Variants in KLF12 observed in about 807,000 individuals in gnomAD.
KLF12 encodes KLF transcription factor 12, also known as Krueppel-like factor 12.
Under a neutral mutation model 37.8 loss-of-function variants are expected in KLF12, and 9 were observed. The ratio of observed to expected loss-of-function variants is 0.24; its 90% CI spans 0.14 to 0.42. The LOEUF (loss-of-function observed/expected upper bound fraction) is 0.42. Among genes scored for constraint, KLF12 ranks in the 10% least tolerant of loss-of-function variants. The pLI, the probability that KLF12 is intolerant of heterozygous loss-of-function variation, is 1.00. For synonymous variants in KLF12, 208 were observed against 202.1 expected (o/e 1.03, Z -0.25); for missense variants, 411 against 516.0 (o/e 0.80, Z 1.97).
intron 7 of KLF12, among the ~76,000 whole-genome samples, chr13:73,712,977 G>A (rs1026090479): frequency 2.6e-5 from 4 of 152,176 alleles, no homozygotes; most frequent in Non-Finnish European, 4.4e-5. Context: ...GGGATGTCGG[G>A]AACTGAACCC....
rs946295582 is a variant in KLF12 at position 73,695,649 on chromosome 13, G to A, written c.1050C>T (p.Thr350=). 1 of 1,613,886 alleles carries A rather than the reference G, an allele frequency of 6.2e-7. No individual in the cohort carries two copies. The highest frequency in any genetic ancestry group is 8.5e-7 in the Non-Finnish European group (1 of 1,179,932). ...CGAACTTCCAGGTGCAGCCTTCCCA[G>A]GTACACTTGTAAGGTTTCTCTCCTG... The change falls in exon 8 of 8, where the codon ACC becomes ACT. Residue 350 remains threonine, a synonymous_variant. Coordinates refer to ENST00000377669, the MANE Select transcript of KLF12 (RefSeq NM_007249.5).
intron 1 of KLF12, among the ~76,000 whole-genome samples, chr13:74,081,980 A>G (rs1013130081): frequency 1.3e-5 from 2 of 152,096 alleles, no homozygotes; most frequent in Admixed American, 1.3e-4. Flanking sequence ...TACCTAATTA[A>G]AAGTAATTTG....
chr13:74,256,481 C>T, the KLF12 span, among the ~76,000 whole-genome samples: 275 of 152,088 alleles, frequency 1.8e-3, 1 homozygote, highest in Non-Finnish European at 3.3e-3. Flanking sequence ...GGGACTGGTA[C>T]AGTAAAACAA....
chr13:74,214,731 G>A, the KLF12 span, among the ~76,000 whole-genome samples: 3 of 151,882 alleles, frequency 2.0e-5, no homozygotes, highest in Non-Finnish European at 4.4e-5. Context: ...GAGATGAGAT[G>A]TGCATTAAAA....
chr13:73,776,911 G>T (rs1394014982), intron 5 of KLF12, among the ~76,000 whole-genome samples: 2 of 152,028 alleles, frequency 1.3e-5, no homozygotes, highest in African/African-American at 4.8e-5. Flanking sequence ...TAATACTAAA[G>T]AAAAACTAAG....
the KLF12 span, among the ~76,000 whole-genome samples, chr13:74,212,748 G>A: frequency 1.3e-5 from 2 of 152,120 alleles, no homozygotes; most frequent in Admixed American, 6.6e-5. Context: ...GAGTCAGGGA[G>A]CTATTAAAGA....
At chr13:73,744,006 C>T (rs555384064) in intron 6 of KLF12, among the ~76,000 whole-genome samples, 1 of 152,328 alleles carries the variant, frequency 6.6e-6, no homozygotes, top group East Asian at 1.9e-4. Flanking sequence ...TTAGTGACCT[C>T]TCCTATTTAT....
chr13:74,218,520 G>A, the KLF12 span, among the ~76,000 whole-genome samples: 270 of 152,246 alleles, frequency 1.8e-3, 1 homozygote, highest in South Asian at 4.8e-3. Context: ...GGTTCACATG[G>A]TTTGAGTTGA....
the KLF12 span, among the ~76,000 whole-genome samples, chr13:74,148,949 G>A: frequency 6.6e-6 from 1 of 152,124 alleles, no homozygotes; most frequent in Non-Finnish European, 1.5e-5. Context: ...CTAGTAGCTG[G>A]AATTACAGGC....
At chr13:73,866,015 G>C (rs1174514279) in intron 3 of KLF12, among the ~76,000 whole-genome samples, 1 of 152,200 alleles carries the variant, frequency 6.6e-6, no homozygotes, top group East Asian at 1.9e-4. Context: ...CAAAACTTTG[G>C]GAGGCGGAGG....
chr13:74,041,668 T>C lies in KLF12; in HGVS notation c.-31-46615A>G, dbSNP rs1451166877. Reference sequence around the variant, plus strand: ...AAATTAAAAATCAAAGATATAGCTATGAAATTCCCCAGATCGCTGATTTAC... The same window carrying C: ...AAATTAAAAATCAAAGATATAGCTACGAAATTCCCCAGATCGCTGATTTAC... On this transcript the variant is annotated intron_variant, in intron 1 of 7. Coordinates refer to ENST00000377669, the MANE Select transcript of KLF12 (RefSeq NM_007249.5). 3.3e-5 allele frequency among the ~76,000 whole-genome samples: 5 copies of C among 149,532 alleles called. No homozygotes were observed. In the East Asian group the frequency reaches 1.0e-3, roughly 30 times the overall value.
At chr13:73,863,936 AC>A (rs1277334739) in intron 3 of KLF12, among the ~76,000 whole-genome samples, 1 of 152,186 alleles carries the variant, frequency 6.6e-6, no homozygotes, top group Non-Finnish European at 1.5e-5. Context: ...TCAGTTTAGT[AC>A]AGTTTTTAAT....
chr13:74,181,241 AC>A, the KLF12 span, among the ~76,000 whole-genome samples: 1 of 151,388 alleles, frequency 6.6e-6, no homozygotes, highest in East Asian at 2.0e-4. Flanking sequence ...CTCGTGATCC[AC>A]CCGCTTCGGC....
chr13:74,031,450 G>T (rs1893110242), intron 1 of KLF12, among the ~76,000 whole-genome samples: 1 of 152,094 alleles, frequency 6.6e-6, no homozygotes, highest in Middle Eastern at 3.2e-3. Flanking sequence ...AGGTTTATGA[G>T]AAATTATCAT....
At chr13:73,712,338 C>CAAAAAAAAA (rs752694466) in intron 7 of KLF12, among the ~76,000 whole-genome samples, 1,521 of 42,006 alleles carry the variant, frequency 0.036, 29 homozygotes, top group Middle Eastern at 0.074. Context: ...AACTCCATGT[C>CAAAAAAAAA]AAAAAAAAAA....
the KLF12 span, among the ~76,000 whole-genome samples, chr13:74,242,309 G>T: frequency 2.0e-5 from 3 of 152,328 alleles, no homozygotes; most frequent in South Asian, 6.2e-4. Flanking sequence ...AGAAAAAGAG[G>T]TTTAATGGAC....
At chr13:73,791,560 T>C (rs1881690027) in intron 5 of KLF12, among the ~76,000 whole-genome samples, 1 of 152,240 alleles carries the variant, frequency 6.6e-6, no homozygotes, top group African/African-American at 2.4e-5. Context: ...ATCCAGTCTC[T>C]ATTTATTATA....
the KLF12 span, among the ~76,000 whole-genome samples, chr13:74,197,929 T>C: frequency 6.6e-6 from 1 of 151,878 alleles, no homozygotes; most frequent in Non-Finnish European, 1.5e-5. Flanking sequence ...CAAAGCCAAC[T>C]TAAAAAAAAT....
chr13:73,713,222 G>A (rs955665211), intron 7 of KLF12, among the ~76,000 whole-genome samples: 10 of 152,160 alleles, frequency 6.6e-5, no homozygotes, highest in African/African-American at 2.2e-4. Flanking sequence ...TATCATTAGA[G>A]CCATTCTGTT....
Sources: allele counts gnomAD v4.1 joint callset (sites outside exome capture counted in the v4.1 genomes callset), GRCh38; gene constraint gnomAD v4.1.1; transcripts MANE v1.5; gene names NCBI Gene and HGNC (gene_info 2026-07-23, HGNC 2026-07-21).